The following CSMD1 variants were observed in gnomAD, a reference collection of about 807,000 sequenced individuals.
The protein encoded by CSMD1 is CUB and sushi domain-containing protein 1.
A neutral mutation model predicts 417.5 loss-of-function variants in CSMD1; 213 were observed. The ratio of observed to expected loss-of-function variants is 0.51; its 90% CI spans 0.46 to 0.57. The LOEUF is 0.57. Ranked by LOEUF, CSMD1 falls within the 20% of genes least tolerant of loss-of-function variation. CSMD1 has a pLI of 0.00. For synonymous variants in CSMD1, 2,862 were observed against 1,736.8 expected, an observed-to-expected ratio of 1.65 and a Z score of -16.11; for missense variants, 6,923 against 4,529.7, an observed-to-expected ratio of 1.53 and a Z score of -15.17.
At chr8:3,163,679 A>C (rs1820035494) in intron 37 of CSMD1, among the ~76,000 whole-genome samples, 1 of 151,926 alleles carries the variant, frequency 6.6e-6, no homozygotes, top group Non-Finnish European at 1.5e-5. Context: ...ACCAGCGGCC[A>C]CCAAGCACGA....
chr8:3,910,506 A>T (rs1271738977), intron 5 of CSMD1, among the ~76,000 whole-genome samples: 3 of 152,240 alleles, frequency 2.0e-5, no homozygotes, highest in African/African-American at 7.2e-5. Context: ...AGTAAACATT[A>T]TACAAATTTT....
chr8:3,633,548 C>T (rs1009512085), intron 7 of CSMD1, among the ~76,000 whole-genome samples: 18 of 152,096 alleles, frequency 1.2e-4, no homozygotes, highest in African/African-American at 3.6e-4. Flanking sequence ...TAGTGGTGCA[C>T]GCACGTCAAA....
chr8:4,618,079 A>C (rs1242944276), intron 2 of CSMD1, among the ~76,000 whole-genome samples: 1 of 152,168 alleles, frequency 6.6e-6, no homozygotes, highest in Non-Finnish European at 1.5e-5. Context: ...ATCATGCTGA[A>C]TTTTTTGGTA....
intron 7 of CSMD1, among the ~76,000 whole-genome samples, chr8:3,665,490 C>CT (rs1383679032): frequency 2.0e-5 from 3 of 152,182 alleles, no homozygotes; most frequent in East Asian, 3.9e-4. Flanking sequence ...GATCACGCCA[C>CT]TGCACTCCAG....
At chr8:3,922,523 A>G (rs1809348101) in intron 5 of CSMD1, among the ~76,000 whole-genome samples, 1 of 151,820 alleles carries the variant, frequency 6.6e-6, no homozygotes, top group Non-Finnish European at 1.5e-5. Flanking sequence ...ATTCTTTTCT[A>G]TTTATTTTTT....
intron 2 of CSMD1, among the ~76,000 whole-genome samples, chr8:4,471,996 C>T (rs1412727736): frequency 3.3e-5 from 5 of 151,998 alleles, no homozygotes; most frequent in Non-Finnish European, 7.4e-5. Flanking sequence ...CTGCTCTAAC[C>T]CTAAGAATCA....
rs184950700 is a variant in CSMD1 at position 4,674,888 on chromosome 8, G to C, written c.86-37330C>G. ...GCTTTACATGACGTTAGAAGGTGGA[G>C]ACTCTCATGATGGCATTAGTCCCTT... On this transcript the variant is annotated intron_variant, in intron 1 of 69. Coordinates refer to ENST00000635120, the MANE Select transcript of CSMD1 (RefSeq NM_033225.6). Among the ~76,000 whole-genome samples, 244 of 152,262 alleles carry C rather than the reference G, an allele frequency of 1.6e-3. 3 individuals are homozygous for C. Among genetic ancestry groups the C allele is most frequent in the African/African-American group, 5.7e-3 (237 of 41,574 alleles).
At chr8:4,905,149 C>T (rs556181897) in intron 1 of CSMD1, among the ~76,000 whole-genome samples, 1 of 151,998 alleles carries the variant, frequency 6.6e-6, no homozygotes, top group Non-Finnish European at 1.5e-5. Flanking sequence ...GGAATGAAAT[C>T]CTGGGAGTAC....
chr8:3,283,169 A>C (rs1420798256), intron 26 of CSMD1, among the ~76,000 whole-genome samples: 1 of 152,122 alleles, frequency 6.6e-6, no homozygotes, highest in Non-Finnish European at 1.5e-5. Flanking sequence ...GCTTCTTGAA[A>C]CTTTATCCCT....
intron 7 of CSMD1, among the ~76,000 whole-genome samples, chr8:3,664,006 C>CCA (rs1798553710): frequency 6.6e-6 from 1 of 152,174 alleles, no homozygotes; most frequent in African/African-American, 2.4e-5. Flanking sequence ...CATTGGATGG[C>CCA]TTGAGTTAAA....
chr8:4,652,467 C>G (rs1424059858), intron 1 of CSMD1, among the ~76,000 whole-genome samples: 1 of 151,948 alleles, frequency 6.6e-6, no homozygotes, highest in Non-Finnish European at 1.5e-5. Flanking sequence ...ATGCAGCCTA[C>G]CAGAAAGAAC....
rs867102360 is a variant in CSMD1, at chr8:3,492,941, T to G, written c.1448+682A>C. Among the ~76,000 whole-genome samples the G allele has an allele frequency of 5.9e-5, 9 of 152,126 alleles. 1 individual carries two copies. In the South Asian group the frequency reaches 1.2e-3, roughly 21 times the overall value. On this transcript the variant is annotated intron_variant, in intron 11 of 69. Coordinates refer to ENST00000635120, the MANE Select transcript of CSMD1 (RefSeq NM_033225.6). Reference sequence around the variant, plus strand: ...TATTTCCCAGACTAGAAAGCATCTGTACCTCTTTAAAAACCCTGATAATAT... The same window carrying G: ...TATTTCCCAGACTAGAAAGCATCTGGACCTCTTTAAAAACCCTGATAATAT...
At chr8:4,732,072 A>G (rs940638508) in intron 1 of CSMD1, among the ~76,000 whole-genome samples, 7 of 152,062 alleles carry the variant, frequency 4.6e-5, no homozygotes, top group African/African-American at 1.7e-4. Context: ...CTCTCTTGCT[A>G]ATCTTTCCAA....
chr8:3,805,864 TC>T (rs1299778252), intron 5 of CSMD1, among the ~76,000 whole-genome samples: 1 of 152,136 alleles, frequency 6.6e-6, no homozygotes, highest in Non-Finnish European at 1.5e-5. Flanking sequence ...TGCCTCAGTT[TC>T]CCAGATTTCT....
intron 10 of CSMD1, among the ~76,000 whole-genome samples, chr8:3,518,054 G>C (rs1004975389): frequency 6.6e-6 from 1 of 151,942 alleles, no homozygotes; most frequent in Non-Finnish European, 1.5e-5. Context: ...TTTATCATCA[G>C]ATTCAAGTGT....
intron 12 of CSMD1, among the ~76,000 whole-genome samples, chr8:3,427,471 A>G (rs780727847): frequency 6.6e-6 from 1 of 152,168 alleles, no homozygotes; most frequent in African/African-American, 2.4e-5. Context: ...TGAAACCTTT[A>G]AAATGAAGAT....
chr8:4,250,847 C>G (rs73498588), intron 3 of CSMD1, among the ~76,000 whole-genome samples: 1 of 152,250 alleles, frequency 6.6e-6, no homozygotes, highest in African/African-American at 2.4e-5. Context: ...TATGTCAACA[C>G]CTTGTCACTA....
intron 4 of CSMD1, among the ~76,000 whole-genome samples, chr8:4,019,441 GGAA>G: frequency 1.3e-5 from 1 of 79,830 alleles, no homozygotes; most frequent in Non-Finnish European, 2.5e-5. Flanking sequence ...TAAAAGGAAG[GGAA>G]CATTCCCTTA....
chr8:3,846,928 G>A (rs1056007890), intron 5 of CSMD1, among the ~76,000 whole-genome samples: 1 of 152,106 alleles, frequency 6.6e-6, no homozygotes, highest in African/African-American at 2.4e-5. Flanking sequence ...ACCCGCCCTG[G>A]CCTCCCAAAG....
Sources: allele counts gnomAD v4.1 joint callset (sites outside exome capture counted in the v4.1 genomes callset), GRCh38; gene constraint gnomAD v4.1.1; transcripts MANE v1.5; gene names NCBI Gene and HGNC (gene_info 2026-07-23, HGNC 2026-07-21).